Variants in XKR6 observed in about 807,000 individuals in gnomAD.
The protein encoded by XKR6 is XK-related protein 6.
XKR6 carries 22 observed loss-of-function variants against 56.7 expected under a neutral mutation model. That is an observed-to-expected ratio of 0.39 (90% CI 0.28 to 0.55). XKR6 has a LOEUF of 0.55. Among genes scored for constraint, XKR6 ranks in the 20% least tolerant of loss-of-function variants. The pLI, the probability that XKR6 is intolerant of heterozygous loss-of-function variation, is 0.66. For synonymous variants in XKR6, 524 were observed against 387.8 expected (o/e 1.35, Z -4.13); for missense variants, 852 against 889.0 (o/e 0.96, Z 0.53).
intron 1 of XKR6, among the ~76,000 whole-genome samples, chr8:11,170,810 A>G (rs1802329043): frequency 6.6e-6 from 1 of 152,364 alleles, no homozygotes; most frequent in African/African-American, 2.4e-5. Flanking sequence ...GCATCTGTGC[A>G]TGGAGTACAT....
chr8:11,141,537 C>G (rs1800698646), intron 1 of XKR6, among the ~76,000 whole-genome samples: 1 of 152,216 alleles, frequency 6.6e-6, no homozygotes, highest in Non-Finnish European at 1.5e-5. Context: ...GGATAGGTGG[C>G]TTGCAAAGAG....
intron 1 of XKR6, among the ~76,000 whole-genome samples, chr8:11,083,689 T>G (rs1187772403): frequency 6.6e-6 from 1 of 152,082 alleles, no homozygotes. Context: ...AGTCAAAAAA[T>G]CTGAAAGCGA....
At chr8:11,072,027 T>A (rs1399217132) in intron 1 of XKR6, among the ~76,000 whole-genome samples, 1 of 152,084 alleles carries the variant, frequency 6.6e-6, no homozygotes. Context: ...TTTAACACAA[T>A]GTGTCCAAAA....
chr8:11,131,192 T>C (rs959613526), intron 1 of XKR6, among the ~76,000 whole-genome samples: 2 of 152,188 alleles, frequency 1.3e-5, no homozygotes, highest in African/African-American at 4.8e-5. Flanking sequence ...AGTGAGCCTC[T>C]TTCATTTTCC....
intron 1 of XKR6, among the ~76,000 whole-genome samples, chr8:11,077,491 A>G (rs1800305003): frequency 6.6e-6 from 1 of 151,936 alleles, no homozygotes; most frequent in Non-Finnish European, 1.5e-5. Flanking sequence ...CATGCAGCTC[A>G]CTCAAGGAGG....
intron 1 of XKR6, among the ~76,000 whole-genome samples, chr8:11,183,826 A>G (rs1403604711): frequency 1.3e-5 from 2 of 152,208 alleles, no homozygotes; most frequent in African/African-American, 4.8e-5. Flanking sequence ...AGGCTCAGGA[A>G]TAAGGGTTTA....
chr8:11,044,103 A>T (rs1169051856), intron 1 of XKR6, among the ~76,000 whole-genome samples: 1 of 152,198 alleles, frequency 6.6e-6, no homozygotes, highest in African/African-American at 2.4e-5. Context: ...TGGACAAGAG[A>T]CTGATTTCAG....
chr8:11,052,923 C>T (rs1423469331), intron 1 of XKR6, among the ~76,000 whole-genome samples: 1 of 152,194 alleles, frequency 6.6e-6, no homozygotes, highest in East Asian at 1.9e-4. Flanking sequence ...TGGGCACCTG[C>T]ACCGCTGAAG....
intron 1 of XKR6, among the ~76,000 whole-genome samples, chr8:11,079,921 T>A (rs899353391): frequency 2.0e-5 from 3 of 152,120 alleles, no homozygotes; most frequent in Non-Finnish European, 2.9e-5. Flanking sequence ...TAAGCCATGA[T>A]TGTACCACTG....
intron 1 of XKR6, among the ~76,000 whole-genome samples, chr8:11,057,605 T>A (rs1471792327): frequency 6.6e-6 from 1 of 152,138 alleles, no homozygotes; most frequent in African/African-American, 2.4e-5. Flanking sequence ...TGGGCGGGTG[T>A]AGTTTTGTTC....
At chr8:11,176,350 T>G (rs1745306698) in intron 1 of XKR6, among the ~76,000 whole-genome samples, 1 of 152,206 alleles carries the variant, frequency 6.6e-6, no homozygotes, top group Non-Finnish European at 1.5e-5. Context: ...TCAAGTGGTA[T>G]GTCTCATATA....
intron 1 of XKR6, among the ~76,000 whole-genome samples, chr8:11,121,259 A>C (rs1002950241): frequency 3.9e-5 from 6 of 152,182 alleles, no homozygotes; most frequent in Admixed American, 6.5e-5. Flanking sequence ...CAACCTACAG[A>C]ATGGGAGAAA....
Position 11,201,370 on chromosome 8 carries a change from G to A in XKR6, c.-31C>T, listed in dbSNP as rs749861943. On this transcript the variant is annotated 5_prime_UTR_variant, in exon 1 of 3. Transcript: ENST00000416569. ...CTCTCTTCCCAGCTCCGGAGGTTGG[G>A]GGGGAGGGACGGCGGGGGGGGGGGG... The A allele has an allele frequency of 6.9e-6, 10 of 1,454,752 alleles. No homozygotes were observed. The highest frequency in any genetic ancestry group is 1.5e-5 in the African/African-American group (1 of 64,928). 90.1% of individuals were successfully genotyped at this position (1,454,752 alleles called of 1,614,324 possible).
chr8:11,100,698 GA>G (rs1488587763), intron 1 of XKR6, among the ~76,000 whole-genome samples: 7 of 152,346 alleles, frequency 4.6e-5, no homozygotes, highest in Admixed American at 6.5e-5. Flanking sequence ...CATCTTCTCA[GA>G]AAAATGTGTT....
Position 10,998,736 on chromosome 8 carries a change from G to T in XKR6, c.765-73906C>A, listed in dbSNP as rs1267702288. ...CAGCTCCATTTCCGCTGGGCTCTCT[G>T]CAGAGAAGCACCCCTACCCCTGAAA... On this transcript the variant is annotated intron_variant, in intron 1 of 2. Transcript: ENST00000416569. Among the ~76,000 whole-genome samples, 3 of 152,164 alleles carry T rather than the reference G, an allele frequency of 2.0e-5. No homozygotes were observed. The South Asian group carries it at 6.2e-4, about 32-fold the overall frequency.
chr8:11,155,515 C>A (rs4642600), intron 1 of XKR6, among the ~76,000 whole-genome samples: 40,978 of 152,160 alleles, frequency 0.27, 6,818 homozygotes, highest in Middle Eastern at 0.39. Context: ...AATTCAAGAT[C>A]CTCACATGGG....
At position 11,132,767 on chromosome 8, in the gene XKR6, G is replaced by GCACACACA. The variant is rs149748655; in HGVS notation, c.764+67801_764+67808dup. Among the ~76,000 whole-genome samples the GCACACACA allele has an allele frequency of 1.6e-3, 220 of 138,256 alleles. 2 individuals are homozygous for GCACACACA. Among genetic ancestry groups the GCACACACA allele is most frequent in the Middle Eastern group, 3.7e-3 (1 of 268 alleles). 90.7% of individuals were successfully genotyped at this position (138,256 alleles called of 152,430 possible). ...CCTTCATTCATACACACACACGCAC[G>GCACACACA]CACACACACACACACACACGCACAT... On this transcript the variant is annotated intron_variant, in intron 1 of 2. Transcript: ENST00000416569.
chr8:11,114,060 T>C, intron 1 of XKR6: 1 of 441,386 alleles, frequency 2.3e-6, no homozygotes, highest in South Asian at 1.6e-5. Context: ...ACAACCTCAT[T>C]TCAGGCTGAG....
chr8:11,168,536 C>T (rs1802200449), intron 1 of XKR6, among the ~76,000 whole-genome samples: 2 of 152,090 alleles, frequency 1.3e-5, no homozygotes, highest in South Asian at 2.1e-4. Context: ...AACACATAAA[C>T]CAACTAGATC....
Sources: gnomAD v4.1 joint callset for allele counts (sites outside exome capture counted in the v4.1 genomes callset) on GRCh38, gnomAD v4.1.1 for gene constraint, MANE v1.5 for transcripts, NCBI Gene and HGNC (gene_info 2026-07-23, HGNC 2026-07-21) for gene names.